Variants in ESRRB observed in about 807,000 individuals in gnomAD.
The protein encoded by ESRRB is estrogen related receptor beta.
A neutral mutation model predicts 46.0 loss-of-function variants in ESRRB; 16 were observed. The ratio of observed to expected loss-of-function variants is 0.35; its 90% CI spans 0.24 to 0.53. The LOEUF is 0.53. Among genes scored for constraint, ESRRB ranks in the 20% least tolerant of loss-of-function variants. The pLI, the probability that ESRRB is intolerant of heterozygous loss-of-function variation, is 0.93. For synonymous variants in ESRRB, 246 were observed against 259.6 expected (o/e 0.95, Z 0.50); for missense variants, 488 against 607.4 (o/e 0.80, Z 2.07).
chr14:76,408,887 T>C (rs1886314511), intron 1 of ESRRB, among the ~76,000 whole-genome samples: 1 of 152,204 alleles, frequency 6.6e-6, no homozygotes, highest in African/African-American at 2.4e-5. Flanking sequence ...CAACCAGGCA[T>C]TGTTCTGAAC....
intron 1 of ESRRB, among the ~76,000 whole-genome samples, chr14:76,337,902 C>T (rs563433484): frequency 2.0e-5 from 3 of 152,330 alleles, no homozygotes; most frequent in Admixed American, 6.5e-5. Flanking sequence ...CTGTCTTGCC[C>T]GATGGGGCCT....
At chr14:76,383,553 G>C (rs1885100570) in intron 1 of ESRRB, among the ~76,000 whole-genome samples, 1 of 152,156 alleles carries the variant, frequency 6.6e-6, no homozygotes, top group African/African-American at 2.4e-5. Context: ...TTACAATTTA[G>C]CATTTTCCTT....
In ESRRB at chr14:76,500,210, C is replaced by A; in HGVS notation, c.*1752C>A. 1.5e-6 allele frequency: 1 copy of A among 658,300 alleles called. No homozygotes were observed. The allele number at this position is 658,300 out of a possible 1,614,324, so 40.8% of individuals were successfully genotyped here. A position where few individuals can be genotyped will look rare whatever the true frequency, so the allele number is the denominator to read the frequency against. On this transcript the variant is annotated 3_prime_UTR_variant, in exon 7 of 7. Coordinates refer to ENST00000644823, the MANE Select transcript of ESRRB (RefSeq NM_001379180.1). ...AGGGCTGGCTGAAATCCACAAACTG[C>A]AGAGCAGCTCTCTGATGGTGTCCCA... is the stretch of plus-strand genomic sequence containing the variant.
At chr14:76,463,931 G>A (rs1888998078) in intron 3 of ESRRB, among the ~76,000 whole-genome samples, 1 of 151,974 alleles carries the variant, frequency 6.6e-6, no homozygotes, top group African/African-American at 2.4e-5. Flanking sequence ...TCCAACTCCT[G>A]GGCTCAGGCA....
chr14:76,495,285 G>C (rs572734512), intron 6 of ESRRB: 1 of 152,232 alleles, frequency 6.6e-6, no homozygotes, highest in African/African-American at 2.4e-5. Context: ...CATGGTATGA[G>C]GTTTCAGGTC....
At chr14:76,477,001 A>G (rs1170069509) in intron 3 of ESRRB, among the ~76,000 whole-genome samples, 1 of 152,256 alleles carries the variant, frequency 6.6e-6, no homozygotes, top group Non-Finnish European at 1.5e-5. Flanking sequence ...CTGAGGCATG[A>G]GAATGGCTTG....
intron 1 of ESRRB, among the ~76,000 whole-genome samples, chr14:76,360,387 A>C (rs948384799): frequency 1.3e-5 from 2 of 152,056 alleles, no homozygotes; most frequent in African/African-American, 4.8e-5. Flanking sequence ...AGACAGGTGA[A>C]CTGGAAGGAG....
At chr14:76,464,793 C>T (rs1356901769) in intron 3 of ESRRB, among the ~76,000 whole-genome samples, 1 of 152,138 alleles carries the variant, frequency 6.6e-6, no homozygotes, top group Admixed American at 6.5e-5. Context: ...CTATGTTGGG[C>T]CCTTTCTGCT....
intron 1 of ESRRB, chr14:76,407,452 G>GTTCACGGTCACCTCAGGCTATCTGGCCC (rs1886239969): frequency 1.3e-6 from 1 of 790,168 alleles, no homozygotes; most frequent in African/African-American, 1.9e-5. Context: ...GAGCCACCAG[G>GTTCACGGTCACCTCAGGCTATCTGGCCC]CTAAATCCTC....
chr14:76,387,388 A>C (rs1462401550), intron 1 of ESRRB, among the ~76,000 whole-genome samples: 1 of 152,244 alleles, frequency 6.6e-6, no homozygotes, highest in African/African-American at 2.4e-5. Flanking sequence ...CATGGGTGAC[A>C]GTTCTGCAAC....
intron 1 of ESRRB, among the ~76,000 whole-genome samples, chr14:76,328,031 C>T (rs1883956095): frequency 6.6e-6 from 1 of 152,070 alleles, no homozygotes; most frequent in Admixed American, 6.6e-5. Flanking sequence ...TGCTTTTGAC[C>T]TTGTACTGCA....
At chr14:76,377,580 CCT>C (rs1174218934) in intron 1 of ESRRB, among the ~76,000 whole-genome samples, 2 of 152,172 alleles carry the variant, frequency 1.3e-5, no homozygotes, top group Non-Finnish European at 2.9e-5. Context: ...TGCTCGTCTT[CCT>C]CTTTTTTTTC....
chr14:76,498,578 A>G lies in ESRRB; in HGVS notation c.*120A>G. 2 of 1,326,428 alleles carry G rather than the reference A, an allele frequency of 1.5e-6. No homozygotes were observed. The highest frequency in any genetic ancestry group is 2.0e-6 in the Non-Finnish European group (2 of 1,010,152). 82.2% of individuals were successfully genotyped at this position (1,326,428 alleles called of 1,614,324 possible). On this transcript the variant is annotated 3_prime_UTR_variant, in exon 7 of 7. Coordinates refer to ENST00000644823, the MANE Select transcript of ESRRB (RefSeq NM_001379180.1). Reference sequence around the variant, plus strand: ...CTGTATCATGGCTCTGAGCTGTCCCAGAGGCGGGGGTTTCTCACCTCCTGG... The same window carrying G: ...CTGTATCATGGCTCTGAGCTGTCCCGGAGGCGGGGGTTTCTCACCTCCTGG...
At chr14:76,383,883 T>A (rs1885114540) in intron 1 of ESRRB, among the ~76,000 whole-genome samples, 1 of 152,184 alleles carries the variant, frequency 6.6e-6, no homozygotes. Flanking sequence ...ACAGACAAAT[T>A]TCAGGTGGTC....
In ESRRB at chr14:76,482,991, T is replaced by A. The variant is rs1332773458; in HGVS notation, c.850+232T>A. On this transcript the variant is annotated intron_variant, in intron 5 of 6. Transcript: ENST00000644823. This position sits in a 1 kb window ranked among gnomAD's most constrained non-coding sequence, Gnocchi z 4.3. Reference sequence around the variant, plus strand: ...ACTGCTGCAGGCTCTTCAGAATTAGTTATCATTCGAGGCGGGGCCATGTTT... The same window carrying A: ...ACTGCTGCAGGCTCTTCAGAATTAGATATCATTCGAGGCGGGGCCATGTTT... 1.3e-5 allele frequency among the ~76,000 whole-genome samples: 2 copies of A among 152,192 alleles called. No homozygotes were observed. The highest frequency in any genetic ancestry group is 2.9e-5 in the Non-Finnish European group (2 of 68,034).
At chr14:76,480,137 G>T (rs150099893) in intron 3 of ESRRB, among the ~76,000 whole-genome samples, 1 of 152,288 alleles carries the variant, frequency 6.6e-6, no homozygotes, top group Admixed American at 6.5e-5. Flanking sequence ...GGGATTACAG[G>T]GGTGAGCCAC....
chr14:76,437,646 G>A (rs67447613), intron 1 of ESRRB, among the ~76,000 whole-genome samples: 4,544 of 152,264 alleles, frequency 0.03, 153 homozygotes, highest in East Asian at 0.15. Flanking sequence ...GGCTCAGGGA[G>A]TGAGGCAGCC....
chr14:76,492,016 C>A (rs1481856729), intron 6 of ESRRB, among the ~76,000 whole-genome samples: 1 of 152,208 alleles, frequency 6.6e-6, no homozygotes, highest in Non-Finnish European at 1.5e-5. Context: ...ACCAACTGGG[C>A]AAGTTGCTTC....
At chr14:76,361,048 T>C (rs1884456494) in intron 1 of ESRRB, among the ~76,000 whole-genome samples, 1 of 152,272 alleles carries the variant, frequency 6.6e-6, no homozygotes, top group African/African-American at 2.4e-5. Flanking sequence ...GAGGTACTTC[T>C]ACCTGGTGCC....
Sources: gnomAD v4.1 joint callset for allele counts (sites outside exome capture counted in the v4.1 genomes callset) on GRCh38, gnomAD v4.1.1 for gene constraint, Gnocchi (gnomAD v3.1) non-coding constraint, MANE v1.5 for transcripts, NCBI Gene and HGNC (gene_info 2026-07-23, HGNC 2026-07-21) for gene names.